IQSEC1: variants seen among roughly 807,000 people sequenced by gnomAD.
The protein encoded by IQSEC1 is IQ motif and SEC7 domain-containing protein 1.
A neutral mutation model predicts 91.0 loss-of-function variants in IQSEC1; 31 were observed. The ratio of observed to expected loss-of-function variants is 0.34; its 90% CI spans 0.26 to 0.46. IQSEC1 has a LOEUF of 0.46. Ranked by LOEUF, IQSEC1 falls within the 20% of genes least tolerant of loss-of-function variation. The probability of loss-of-function intolerance (pLI) is 1.00; values close to 1 mark genes in which losing one functional copy is unlikely to be tolerated. For synonymous variants in IQSEC1, 699 were observed against 662.6 expected (o/e 1.05, Z -0.84); for missense variants, 1,388 against 1,575.6 (o/e 0.88, Z 2.02).
At chr3:13,048,568 T>G (rs1053096148) in intron 1 of IQSEC1, among the ~76,000 whole-genome samples, 4 of 152,224 alleles carry the variant, frequency 2.6e-5, no homozygotes, top group African/African-American at 9.6e-5. Context: ...TTTGACATTC[T>G]GGGCCCAAGC....
intron 1 of IQSEC1, among the ~76,000 whole-genome samples, chr3:12,973,124 A>C (rs1700984459): frequency 6.6e-6 from 1 of 152,144 alleles, no homozygotes; most frequent in Non-Finnish European, 1.5e-5. Context: ...AGGGTTGTCC[A>C]CCCTGACCTA....
At chr3:13,247,655 T>C (rs1695130499) in intron 1 of IQSEC1, among the ~76,000 whole-genome samples, 1 of 152,222 alleles carries the variant, frequency 6.6e-6, no homozygotes, top group South Asian at 2.1e-4. Flanking sequence ...ACAGTCTCGA[T>C]GCCATCACAT....
chr3:12,990,892 C>T (rs937404410), intron 1 of IQSEC1, among the ~76,000 whole-genome samples: 1 of 152,210 alleles, frequency 6.6e-6, no homozygotes, highest in African/African-American at 2.4e-5. Context: ...GTGATCAGGT[C>T]TGGCATGGAG....
chr3:13,252,419 C>G (rs1695210094), intron 1 of IQSEC1, among the ~76,000 whole-genome samples: 1 of 152,196 alleles, frequency 6.6e-6, no homozygotes, highest in African/African-American at 2.4e-5. Flanking sequence ...GTGCATAGAC[C>G]ACAGTTTGTG....
chr3:13,173,476 C>T (rs957622502), intron 1 of IQSEC1, among the ~76,000 whole-genome samples: 1 of 152,220 alleles, frequency 6.6e-6, no homozygotes, highest in Non-Finnish European at 1.5e-5. Flanking sequence ...ACTTGGCTGG[C>T]CTCCCAAGGC....
In IQSEC1 at chr3:12,915,692, C is replaced by T. The variant is rs541280755; in HGVS notation, c.2062G>A (p.Gly688Arg). The T allele has an allele frequency of 6.2e-7, 1 of 1,614,180 alleles. No individual in the cohort carries two copies. The highest frequency in any genetic ancestry group is 2.2e-5 in the East Asian group (1 of 44,882). Residue 688 changes from glycine (G) to arginine (R), a missense_variant, in exon 7 of 14, where the codon GGG becomes AGG. Physicochemically the swap from Gly to Arg is moderately radical, Grantham distance 125. Coordinates refer to ENST00000613206, the MANE Select transcript of IQSEC1 (RefSeq NM_001134382.3). ...GEDIPREMLM[G>R]IYERIRKREL... ...CGCTTACGGATCCGTTCATAGATCC[C>T]CATCAGCATCTCACGGGGAATGTCC...
At chr3:13,150,127 C>G (rs912137136) in intron 2 of IQSEC1, among the ~76,000 whole-genome samples, 1 of 152,132 alleles carries the variant, frequency 6.6e-6, no homozygotes. Flanking sequence ...TTTAGAGACA[C>G]GAGTGAAAAA....
At chr3:13,154,438 C>CATATATATAT (rs774589168) in intron 2 of IQSEC1, among the ~76,000 whole-genome samples, 869 of 20,626 alleles carry the variant, frequency 0.042, 108 homozygotes, top group Middle Eastern at 0.083. Context: ...AACTTACATG[C>CATATATATAT]ATATATATAT....
intron 2 of IQSEC1, among the ~76,000 whole-genome samples, chr3:13,117,227 A>T (rs957528733): frequency 6.6e-6 from 1 of 150,594 alleles, no homozygotes; most frequent in African/African-American, 2.5e-5. Flanking sequence ...GATGTTCAAC[A>T]TCACCAGTCA....
At chr3:13,044,464 G>C (rs1257705133) in intron 1 of IQSEC1, among the ~76,000 whole-genome samples, 1 of 152,218 alleles carries the variant, frequency 6.6e-6, no homozygotes, top group Non-Finnish European at 1.5e-5. Context: ...TTTCCAAATG[G>C]CTGGGTCCAA....
At chr3:13,280,888 G>C (rs1179937515) in intron 1 of IQSEC1, among the ~76,000 whole-genome samples, 1 of 152,212 alleles carries the variant, frequency 6.6e-6, no homozygotes, top group African/African-American at 2.4e-5. Context: ...GAAGCCAGGT[G>C]GACACAGAAC....
At chr3:13,263,590 G>A (rs559355546) in intron 1 of IQSEC1, among the ~76,000 whole-genome samples, 5 of 152,110 alleles carry the variant, frequency 3.3e-5, no homozygotes, top group East Asian at 3.9e-4. Context: ...TTGCAGGCAC[G>A]CGCCACCACG....
intron 1 of IQSEC1, among the ~76,000 whole-genome samples, chr3:13,010,528 G>A (rs984272792): frequency 2.6e-5 from 4 of 152,146 alleles, no homozygotes; most frequent in South Asian, 2.1e-4. Context: ...AAGGCTGTCC[G>A]GGAATGAAGT....
chr3:13,136,445 AG>A (rs561875790), intron 2 of IQSEC1, among the ~76,000 whole-genome samples: 195 of 152,350 alleles, frequency 1.3e-3, no homozygotes, highest in Non-Finnish European at 2.5e-3. Flanking sequence ...ATCTGACTAC[AG>A]TGAAATGAGC....
At chr3:13,261,335 C>G (rs1175537997) in intron 1 of IQSEC1, among the ~76,000 whole-genome samples, 1 of 152,156 alleles carries the variant, frequency 6.6e-6, no homozygotes, top group Admixed American at 6.5e-5. Context: ...TTAGGGACAC[C>G]CCTTCAGAGC....
intron 2 of IQSEC1, among the ~76,000 whole-genome samples, chr3:13,079,599 T>G (rs563794835): frequency 6.6e-6 from 1 of 152,158 alleles, no homozygotes; most frequent in Admixed American, 6.5e-5. Context: ...CCCTGAGAGA[T>G]AGAGGCCCCT....
intron 1 of IQSEC1, among the ~76,000 whole-genome samples, chr3:13,006,892 C>G (rs1458603457): frequency 6.6e-6 from 1 of 152,332 alleles, no homozygotes; most frequent in East Asian, 1.9e-4. Context: ...TGCTCTGGGC[C>G]GGGCTCTGAC....
intron 1 of IQSEC1, among the ~76,000 whole-genome samples, chr3:13,225,904 G>A (rs552939046): frequency 6.6e-6 from 1 of 151,526 alleles, no homozygotes; most frequent in Admixed American, 6.6e-5. Flanking sequence ...TTTTGAGAAG[G>A]AGTCCCACTC....
chr3:13,242,167 C>A (rs1172210430), intron 1 of IQSEC1, among the ~76,000 whole-genome samples: 1 of 152,152 alleles, frequency 6.6e-6, no homozygotes, highest in Non-Finnish European at 1.5e-5. Context: ...GGCACATGGG[C>A]AACCAAGAAA....
Sources: allele counts gnomAD v4.1 joint callset (sites outside exome capture counted in the v4.1 genomes callset), GRCh38; gene constraint gnomAD v4.1.1; transcripts MANE v1.5; gene names NCBI Gene and HGNC (gene_info 2026-07-23, HGNC 2026-07-21).